Variants in GRIA4 observed in about 807,000 individuals in gnomAD.
GRIA4 encodes the protein glutamate ionotropic receptor AMPA type subunit 4.
In GRIA4, 34 loss-of-function variants were observed where a neutral mutation model predicts 104.0. That is an observed-to-expected ratio of 0.33 (90% CI 0.25 to 0.44). GRIA4 has a LOEUF of 0.44. Ranked by LOEUF, GRIA4 falls within the 20% of genes least tolerant of loss-of-function variation. The probability of loss-of-function intolerance (pLI) is 1.00; values close to 1 mark genes in which losing one functional copy is unlikely to be tolerated. For synonymous variants in GRIA4, 386 were observed against 381.9 expected (o/e 1.01, Z -0.13); for missense variants, 750 against 1,096.5 (o/e 0.68, Z 4.46).
intron 3 of GRIA4, among the ~76,000 whole-genome samples, chr11:105,641,706 C>T (rs2135349968): frequency 6.6e-6 from 1 of 152,182 alleles, no homozygotes; most frequent in South Asian, 2.1e-4. Flanking sequence ...CATCCTTAAC[C>T]ACTTTTAGTA....
intron 14 of GRIA4, among the ~76,000 whole-genome samples, chr11:105,970,921 C>T (rs993636914): frequency 1.1e-4 from 16 of 152,168 alleles, no homozygotes; most frequent in Middle Eastern, 3.4e-3. Context: ...GGAATATTGA[C>T]GCCAGGTAAT....
intron 3 of GRIA4, among the ~76,000 whole-genome samples, chr11:105,731,415 T>C (rs1472044893): frequency 6.6e-6 from 1 of 152,170 alleles, no homozygotes; most frequent in Non-Finnish European, 1.5e-5. Context: ...GGAACACTTT[T>C]ACACTGTTGG....
intron 3 of GRIA4, among the ~76,000 whole-genome samples, chr11:105,639,505 A>T (rs934767556): frequency 2.0e-4 from 30 of 152,118 alleles, no homozygotes; most frequent in Middle Eastern, 3.4e-3. Flanking sequence ...ATAATATTAA[A>T]TGAAAAATTC....
chr11:105,811,650 TAAAC>T (rs765959014), intron 4 of GRIA4, among the ~76,000 whole-genome samples: 7 of 152,218 alleles, frequency 4.6e-5, no homozygotes, highest in African/African-American at 1.2e-4. Context: ...AAATTTCAGA[TAAAC>T]AATGCAGCAA....
Position 105,981,652 on chromosome 11 carries a change from CGCTT to C in GRIA4, c.*1918_*1921del, listed in dbSNP as rs1859256847. On this transcript the variant is annotated 3_prime_UTR_variant, in exon 17 of 17. Transcript: ENST00000282499. ...TCACATGAGCCCCTTCATGACCTGG[CGCTT>C]GCTTATTTCTTCCAGGACTTCTCTC... 6.6e-6 allele frequency: 1 copy of C among 151,988 alleles called. No individual in the cohort carries two copies. The highest frequency in any genetic ancestry group is 2.1e-4 in the South Asian group (1 of 4,800). The allele number at this position is 151,988 out of a possible 1,614,324, so 9.4% of individuals were successfully genotyped here.
At chr11:105,759,641 T>C (rs1399259014) in intron 4 of GRIA4, among the ~76,000 whole-genome samples, 6 of 151,930 alleles carry the variant, frequency 3.9e-5, no homozygotes, top group African/African-American at 1.5e-4. Flanking sequence ...GAGAAAATGG[T>C]TTTTCCAAAG....
chr11:105,656,699 C>T (rs1246455580), intron 3 of GRIA4, among the ~76,000 whole-genome samples: 3 of 151,818 alleles, frequency 2.0e-5, no homozygotes, highest in South Asian at 2.1e-4. Flanking sequence ...TCATAGTATT[C>T]GTAGTGAATG....
At chr11:105,701,472 A>G (rs1001545433) in intron 3 of GRIA4, among the ~76,000 whole-genome samples, 2 of 152,174 alleles carry the variant, frequency 1.3e-5, no homozygotes, top group African/African-American at 4.8e-5. Flanking sequence ...TAACTGCATG[A>G]TTTTAAGTAA....
intron 3 of GRIA4, among the ~76,000 whole-genome samples, chr11:105,620,177 G>A (rs533644789): frequency 2.0e-5 from 3 of 151,818 alleles, no homozygotes; most frequent in Non-Finnish European, 2.9e-5. Flanking sequence ...CTTATGCCTC[G>A]TTTTCTCAGA....
intron 4 of GRIA4, among the ~76,000 whole-genome samples, chr11:105,787,263 A>G (rs1224676996): frequency 6.6e-6 from 1 of 152,092 alleles, no homozygotes; most frequent in Non-Finnish European, 1.5e-5. Context: ...TATAATGTAA[A>G]TTTGAGCAAT....
At chr11:105,781,929 T>C (rs1267627592) in intron 4 of GRIA4, among the ~76,000 whole-genome samples, 3 of 152,148 alleles carry the variant, frequency 2.0e-5, no homozygotes, top group African/African-American at 7.2e-5. Context: ...TGCTTAAGGA[T>C]TCAGGGGAAA....
intron 3 of GRIA4, among the ~76,000 whole-genome samples, chr11:105,664,654 AT>A (rs1469519516): frequency 6.6e-6 from 1 of 151,886 alleles, no homozygotes; most frequent in African/African-American, 2.4e-5. Flanking sequence ...TACAAATCTT[AT>A]TTTTTTAAAC....
chr11:105,799,478 C>A (rs1422719471), intron 4 of GRIA4, among the ~76,000 whole-genome samples: 1 of 151,812 alleles, frequency 6.6e-6, no homozygotes, highest in African/African-American at 2.4e-5. Context: ...CAATAATCAA[C>A]AAAGAAGATG....
chr11:105,923,951 A>T (rs538643283), intron 11 of GRIA4, among the ~76,000 whole-genome samples: 8 of 152,164 alleles, frequency 5.3e-5, no homozygotes, highest in Non-Finnish European at 8.8e-5. Flanking sequence ...GCAATTCATA[A>T]TATTAAGGGA....
chr11:105,865,735 G>GA (rs1478502309), intron 5 of GRIA4, among the ~76,000 whole-genome samples: 20 of 152,022 alleles, frequency 1.3e-4, no homozygotes, highest in African/African-American at 4.8e-4. Context: ...ACCTAATAAC[G>GA]TTATCAATTG....
chr11:105,850,722 A>T (rs964277807), intron 4 of GRIA4, among the ~76,000 whole-genome samples: 1 of 152,160 alleles, frequency 6.6e-6, no homozygotes, highest in Non-Finnish European at 1.5e-5. Flanking sequence ...GGAGGGGAGA[A>T]TTGGGAGAAG....
Position 105,979,582 on chromosome 11 carries a change from T to G in GRIA4, c.2552T>G (p.Phe851Cys). 1 of 1,614,162 alleles carries G rather than the reference T, an allele frequency of 6.2e-7. No individual in the cohort carries two copies. The highest frequency in any genetic ancestry group is 1.3e-5 in the African/African-American group (1 of 75,062). Residue 851 changes from phenylalanine to cysteine, a missense_variant, in exon 17 of 17, where the codon TTT (phenylalanine) becomes TGT (cysteine). Coordinates refer to ENST00000282499, the MANE Select transcript of GRIA4 (RefSeq NM_000829.4). Reference sequence around the variant, plus strand: ...CCTTTCCATGCAACCCAGCTGACCTTTTCTGAAGCCATAAGAAACAAAGCC... The same window carrying G: ...CCTTTCCATGCAACCCAGCTGACCTGTTCTGAAGCCATAAGAAACAAAGCC... ...RAEAKRMKLT[F>C]SEAIRNKARL...
At chr11:105,646,484 T>C (rs955564101) in intron 3 of GRIA4, among the ~76,000 whole-genome samples, 1 of 151,892 alleles carries the variant, frequency 6.6e-6, no homozygotes, top group Non-Finnish European at 1.5e-5. Flanking sequence ...TAAGCAAAAA[T>C]AACAGAGCTG....
At position 105,963,444 on chromosome 11, in the gene GRIA4, C is replaced by T. The variant is rs1046067094; in HGVS notation, c.2295-8470C>T. Reference sequence around the variant, plus strand: ...AAACCACAGACACTTTTAACATGCACGGAAATCTTGAAATACTATCTCCAG... The same window carrying T: ...AAACCACAGACACTTTTAACATGCATGGAAATCTTGAAATACTATCTCCAG... On this transcript the variant is annotated intron_variant, in intron 14 of 16. Coordinates refer to ENST00000282499, the MANE Select transcript of GRIA4 (RefSeq NM_000829.4). Among the ~76,000 whole-genome samples the T allele has an allele frequency of 7.2e-5, 11 of 152,142 alleles. No individual in the cohort carries two copies. The East Asian group carries it at 1.7e-3, about 24-fold the overall frequency.
Sources: gnomAD v4.1 joint callset for allele counts (sites outside exome capture counted in the v4.1 genomes callset) on GRCh38, gnomAD v4.1.1 for gene constraint, MANE v1.5 for transcripts, NCBI Gene and HGNC (gene_info 2026-07-23, HGNC 2026-07-21) for gene names.